Variants in ANAPC4 observed in about 807,000 individuals in gnomAD.
The protein encoded by ANAPC4 is anaphase promoting complex subunit 4, also known as anaphase-promoting complex subunit 4.
In ANAPC4, 63 loss-of-function variants were observed where a neutral mutation model predicts 119.8. That is an observed-to-expected ratio of 0.53 (90% CI 0.43 to 0.65). The LOEUF is 0.65. Among genes scored for constraint, ANAPC4 ranks in the 30% least tolerant of loss-of-function variants. ANAPC4 has a pLI of 0.00. For synonymous variants in ANAPC4, 283 were observed against 318.6 expected, an observed-to-expected ratio of 0.89 and a Z score of 1.19; for missense variants, 716 against 945.1, an observed-to-expected ratio of 0.76 and a Z score of 3.18.
intron 28 of ANAPC4, 68 bp downstream of exon 28, chr4:25,417,807 C>T (rs1302487326): frequency 2.3e-5 from 35 of 1,537,438 alleles, no homozygotes; most frequent in Non-Finnish European, 2.9e-5. Flanking sequence ...TTGGAACCTT[C>T]ATCAAATACA....
chr4:25,394,398 C>T, intron 12 of ANAPC4, 24 bp downstream of exon 12: 1 of 1,543,478 alleles, frequency 6.5e-7, no homozygotes, highest in Non-Finnish European at 8.7e-7. Flanking sequence ...ATTAGGTGCT[C>T]CTGTTTTTGC....
In ANAPC4 at chr4:25,382,934, T is replaced by C. The variant is rs375246696; in HGVS notation, c.236-327T>C. On this transcript the variant is annotated intron_variant, in intron 3 of 28. Coordinates refer to ENST00000315368, the MANE Select transcript of ANAPC4 (RefSeq NM_013367.3). Reference sequence around the variant, plus strand: ...AGACATGTGATAACATATAATTGTTTATTTGTTGAAGCCTCTTTTGTATTT... The same window carrying C: ...AGACATGTGATAACATATAATTGTTCATTTGTTGAAGCCTCTTTTGTATTT... 2.0e-4 allele frequency among the ~76,000 whole-genome samples: 31 copies of C among 152,342 alleles called. No homozygotes were observed. The East Asian group carries it at 3.7e-3, about 18-fold the overall frequency.
chr4:25,414,049 T>C, intron 22 of ANAPC4: 2 of 463,792 alleles, frequency 4.3e-6, no homozygotes, highest in Admixed American at 3.9e-5. Context: ...GATGTGTCTC[T>C]GCTTACTACT....
chr4:25,382,862 A>G (rs1257962825), intron 3 of ANAPC4, among the ~76,000 whole-genome samples: 1 of 152,254 alleles, frequency 6.6e-6, no homozygotes. Flanking sequence ...AAAGAGGAAT[A>G]AAAAGCATTC....
At position 25,377,485 on chromosome 4, in the gene ANAPC4, C is replaced by T; in HGVS notation, c.58C>T (p.Pro20Ser). 1.2e-6 allele frequency: 2 copies of T among 1,614,112 alleles called. No homozygotes were observed. The highest frequency in any genetic ancestry group is 1.7e-6 in the Non-Finnish European group (2 of 1,180,000). Residue 20 changes from proline to serine, a missense_variant, in exon 2 of 29, where the codon CCG (proline) becomes TCG (serine). This residue lies in a region of ANAPC4 where 202 missense variants were observed against 293.5 expected (regional missense o/e 0.69). Coordinates refer to ENST00000315368, the MANE Select transcript of ANAPC4 (RefSeq NM_013367.3). ...SFRVVGEKQL[P>S]QEIIFLVWSP... The stretch of plus-strand genomic sequence containing the variant: ...CCGGGTGGTGGGAGAGAAGCAGCTC[C>T]CGCAGGAGATTATTTTCCTGGTCTG...
intron 3 of ANAPC4, among the ~76,000 whole-genome samples, chr4:25,381,260 T>C (rs923057796): frequency 3.3e-5 from 5 of 152,242 alleles, no homozygotes; most frequent in African/African-American, 1.2e-4. Context: ...AAAAGTGAAT[T>C]GTTTTTGTAA....
At position 25,396,883 on chromosome 4, in the gene ANAPC4, G is replaced by A. The variant is rs768844433; in HGVS notation, c.1198G>A (p.Ala400Thr). 3 of 1,612,242 alleles carry A rather than the reference G, an allele frequency of 1.9e-6. No individual in the cohort carries two copies. The highest frequency in any genetic ancestry group is 1.7e-5 in the Admixed American group (1 of 59,680). ...TGCTGTGGGTTCTTTTATACTCAAG[G>A]CAAATGAACTTCTTCAGTAAGTATT... ...ITAVGSFILK[A>T]NELLQVIDSS... is the part of the protein sequence containing the mutation. Residue 400 changes from alanine (A) to threonine (T), a missense_variant, in exon 16 of 29, where the codon GCA becomes ACA. Ala to Thr is a moderately conservative substitution (Grantham distance 58). This residue lies in a region of ANAPC4 where 504 missense variants were observed against 615.8 expected (regional missense o/e 0.82). Transcript: ENST00000315368.
chr4:25,406,111 C>T (rs1276967510), intron 18 of ANAPC4, among the ~76,000 whole-genome samples: 1 of 152,170 alleles, frequency 6.6e-6, no homozygotes, highest in African/African-American at 2.4e-5. Context: ...GCAGCTCACT[C>T]TTCTTCACCC....
rs745448023 is a variant in ANAPC4 at position 25,413,674 on chromosome 4, C to T, written c.1555C>T (p.Arg519Ter). Residue 519 changes from arginine to a stop codon, truncating the protein, a stop_gained, in exon 22 of 29, where the codon CGA (arginine) becomes TGA (stop). Coordinates refer to ENST00000315368, the MANE Select transcript of ANAPC4 (RefSeq NM_013367.3). LOFTEE classifies it high-confidence loss of function. ...TCCTTTGCTGTTTCCTTATTATCCT[C>T]GAAAATCATTGCATTTTGTGAAAAG... ...ESPLLFPYYP[R>*]KSLHFVKRRM... 6 of 1,613,288 alleles carry T rather than the reference C, an allele frequency of 3.7e-6. No individual in the cohort carries two copies. The highest frequency in any genetic ancestry group is 2.2e-5 in the East Asian group (1 of 44,840).
chr4:25,380,272 T>A, intron 2 of ANAPC4, 102 bp from the exon 3 acceptor site: 1 of 703,032 alleles, frequency 1.4e-6, no homozygotes, highest in Non-Finnish European at 2.4e-6. Flanking sequence ...TAAGTATATA[T>A]GAGAGATGGT....
At chr4:25,389,722 A>C (rs961382915) in intron 7 of ANAPC4, among the ~76,000 whole-genome samples, 8 of 152,230 alleles carry the variant, frequency 5.3e-5, no homozygotes, top group African/African-American at 1.9e-4. Context: ...TTAATAAGTT[A>C]AAGGATATAA....
intron 16 of ANAPC4, among the ~76,000 whole-genome samples, chr4:25,398,890 T>C (rs1198304022): frequency 6.6e-6 from 1 of 151,652 alleles, no homozygotes; most frequent in East Asian, 1.9e-4. Flanking sequence ...AGAATTGATA[T>C]TTACTGAAAG....
chr4:25,400,138 G>A (rs1346028203), intron 16 of ANAPC4, among the ~76,000 whole-genome samples: 3 of 152,204 alleles, frequency 2.0e-5, no homozygotes, highest in Non-Finnish European at 2.9e-5. Flanking sequence ...GAGTTTTGCT[G>A]TAAAGGGAAT....
chr4:25,413,287 C>T (rs1241447991), intron 21 of ANAPC4: 1 of 181,406 alleles, frequency 5.5e-6, no homozygotes, highest in Admixed American at 5.8e-5. Flanking sequence ...TACTGGACTG[C>T]TGTTGTTGTT....
rs565910366 is a variant in ANAPC4 at position 25,405,374 on chromosome 4, A to G, written c.1271-199A>G. On this transcript the variant is annotated intron_variant, in intron 17 of 28. Coordinates refer to ENST00000315368, the MANE Select transcript of ANAPC4 (RefSeq NM_013367.3). The surrounding 1 kb of genome is among the most constrained non-coding windows in gnomAD (Gnocchi z 4.6). ...ATAGTTTAGAATGGTTAGACCAACA[A>G]TTTTGAACCTGAAAATATGAATCAA... 6.6e-6 allele frequency among the ~76,000 whole-genome samples: 1 copy of G among 152,284 alleles called. No homozygotes were observed. The highest frequency in any genetic ancestry group is 2.1e-4 in the South Asian group (1 of 4,828).
intron 4 of ANAPC4, among the ~76,000 whole-genome samples, chr4:25,383,751 C>T (rs1721878314): frequency 6.6e-6 from 1 of 152,152 alleles, no homozygotes; most frequent in African/African-American, 2.4e-5. Flanking sequence ...AAAAATTAAG[C>T]ATGTAACTTA....
chr4:25,402,812 C>T (rs1428988308), intron 16 of ANAPC4, among the ~76,000 whole-genome samples, 159 bp from the exon 17 acceptor site: 8 of 151,854 alleles, frequency 5.3e-5, no homozygotes, highest in Non-Finnish European at 1.2e-4. Flanking sequence ...TTTAGGTAGG[C>T]GTTTGATTTG....
In ANAPC4 at chr4:25,384,566, G is replaced by A. The variant is rs917348222; in HGVS notation, c.368+1173G>A. ...AAGATGGCCAGGCACAGCAGCTCAT[G>A]CCTGTAATCCCAGCACTTTGGGAGG... On this transcript the variant is annotated intron_variant, in intron 4 of 28. Transcript: ENST00000315368. 7.9e-5 allele frequency among the ~76,000 whole-genome samples: 12 copies of A among 152,204 alleles called. No homozygotes were observed. In the East Asian group the frequency reaches 1.5e-3, roughly 20 times the overall value.
chr4:25,416,897 A>T (rs1723908395), intron 27 of ANAPC4: 1 of 192,932 alleles, frequency 5.2e-6, no homozygotes, highest in Non-Finnish European at 1.0e-5. Context: ...CATTAACCCT[A>T]GTTGGTTGGA....
Sources: gnomAD v4.1 joint callset for allele counts (sites outside exome capture counted in the v4.1 genomes callset) on GRCh38, gnomAD v4.1.1 for gene constraint, gnomAD v4.1.1 regional missense constraint, Gnocchi (gnomAD v3.1) non-coding constraint, MANE v1.5 for transcripts, NCBI Gene and HGNC (gene_info 2026-07-23, HGNC 2026-07-21) for gene names.